ASXL3: variants seen among roughly 807,000 people sequenced by gnomAD.
ASXL3 encodes the protein putative Polycomb group protein ASXL3.
In ASXL3, 34 loss-of-function variants were observed where a neutral mutation model predicts 170.6. The observed-to-expected ratio is 0.20, with a 90% CI of 0.15 to 0.27. The LOEUF (loss-of-function observed/expected upper bound fraction) is 0.27, where lower values mean the gene tolerates loss of function less well. ASXL3 is among the 10% of genes least tolerant of loss of function. The pLI is 1.00. For missense variants in ASXL3, 2,592 were observed against 2,695.3 expected, an observed-to-expected ratio of 0.96 and a Z score of 0.85; for synonymous variants, 1,002 against 989.1, an observed-to-expected ratio of 1.01 and a Z score of -0.24.
intron 2 of ASXL3, among the ~76,000 whole-genome samples, chr18:33,628,544 T>C (rs1288435258): frequency 1.3e-5 from 2 of 152,148 alleles, no homozygotes; most frequent in African/African-American, 2.4e-5. Flanking sequence ...TTTCTATCTT[T>C]GTTCTGACAT....
chr18:33,652,631 T>C (rs1223485253), intron 4 of ASXL3, among the ~76,000 whole-genome samples: 1 of 110,630 alleles, frequency 9.0e-6, no homozygotes, highest in Non-Finnish European at 1.9e-5. Flanking sequence ...ATGAATCTTA[T>C]GTTTTAGACC....
intron 1 of ASXL3, among the ~76,000 whole-genome samples, chr18:33,592,090 A>G (rs547831076): frequency 6.6e-6 from 1 of 152,222 alleles, no homozygotes; most frequent in East Asian, 1.9e-4. Context: ...ATGAAATTTT[A>G]TCTTTTATCT....
chr18:33,620,835 C>T (rs1199120310), intron 2 of ASXL3, among the ~76,000 whole-genome samples: 1 of 152,028 alleles, frequency 6.6e-6, no homozygotes, highest in African/African-American at 2.4e-5. Context: ...ACCTAATTTC[C>T]CCAACAATTT....
intron 1 of ASXL3, among the ~76,000 whole-genome samples, chr18:33,580,392 A>C (rs1169142264): frequency 1.3e-5 from 2 of 152,238 alleles, no homozygotes; most frequent in Non-Finnish European, 2.9e-5. Flanking sequence ...AAGGCTTCTG[A>C]AAATGCATTA....
At chr18:33,722,356 G>A (rs1179426248) in intron 8 of ASXL3, among the ~76,000 whole-genome samples, 1 of 152,116 alleles carries the variant, frequency 6.6e-6, no homozygotes, top group Non-Finnish European at 1.5e-5. Flanking sequence ...GAATGGAAAG[G>A]AAAAGTTCTT....
intron 8 of ASXL3, among the ~76,000 whole-genome samples, chr18:33,709,792 A>G (rs1408267673): frequency 2.0e-5 from 3 of 152,218 alleles, no homozygotes. Context: ...ATTAAAGAAA[A>G]TGACTATTCT....
chr18:33,739,480 A>G lies in ASXL3; in HGVS notation c.2076A>G (p.Ala692=). 1 of 1,613,978 alleles carries G rather than the reference A, an allele frequency of 6.2e-7. No homozygotes were observed. The highest frequency in any genetic ancestry group is 8.5e-7 in the Non-Finnish European group (1 of 1,179,878). ...CCACTTCACCTGAAATATCAGAAGC[A>G]TCTCTTATGTCCAACTTACCATTAA... The part of the protein sequence containing the change: ...PISTSPEISE[A]SLMSNLPLTS... The change falls in exon 11 of 12, where the codon GCA becomes GCG. Residue 692 remains alanine, a synonymous_variant. Coordinates refer to ENST00000269197, the MANE Select transcript of ASXL3 (RefSeq NM_030632.3).
At position 33,744,313 on chromosome 18, in the gene ASXL3, G is replaced by A; in HGVS notation, c.4465G>A (p.Val1489Ile). 1 of 1,614,032 alleles carries A rather than the reference G, an allele frequency of 6.2e-7. No individual in the cohort carries two copies. The highest frequency in any genetic ancestry group is 8.5e-7 in the Non-Finnish European group (1 of 1,179,902). Residue 1489 changes from valine (V) to isoleucine (I), a missense_variant, in exon 12 of 12, where the codon GTC becomes ATC. Around this residue, in one of 4 missense-constraint regions of ASXL3, gnomAD observed 2,246 missense variants for 2,219.6 expected, o/e 1.01. Coordinates refer to ENST00000269197, the MANE Select transcript of ASXL3 (RefSeq NM_030632.3). ...TTLTSSLSLTVSVESSEASLD... is the reference protein window; with the variant it reads ...TTLTSSLSLTISVESSEASLD... ...GCTGACCTCCAGTTTGTCTCTGACTGTCTCCGTTGAAAGCTCAGAAGCCAG... is the reference window on the plus strand; with the variant it reads ...GCTGACCTCCAGTTTGTCTCTGACTATCTCCGTTGAAAGCTCAGAAGCCAG...
intron 2 of ASXL3, among the ~76,000 whole-genome samples, chr18:33,641,230 G>A (rs2065841887): frequency 1.3e-5 from 2 of 151,986 alleles, no homozygotes; most frequent in Admixed American, 1.3e-4. Flanking sequence ...TAGTTTTTCT[G>A]TATTTCACAC....
At chr18:33,713,040 A>C (rs1464606138) in intron 8 of ASXL3, among the ~76,000 whole-genome samples, 1 of 151,946 alleles carries the variant, frequency 6.6e-6, no homozygotes, top group African/African-American at 2.4e-5. Context: ...AGTTACATAC[A>C]TCACACGTGC....
intron 8 of ASXL3, among the ~76,000 whole-genome samples, chr18:33,726,017 G>T (rs2067344076): frequency 6.6e-6 from 1 of 152,068 alleles, no homozygotes; most frequent in African/African-American, 2.4e-5. Flanking sequence ...TTTGTCCAGG[G>T]CATCCTCTAC....
chr18:33,690,665 A>G (rs947188669), intron 8 of ASXL3, among the ~76,000 whole-genome samples: 7 of 152,072 alleles, frequency 4.6e-5, no homozygotes, highest in Non-Finnish European at 1.0e-4. Context: ...CTTTCCATAG[A>G]TGTCTCTTAC....
intron 8 of ASXL3, among the ~76,000 whole-genome samples, chr18:33,715,420 A>T (rs1033958975): frequency 3.9e-5 from 6 of 152,202 alleles, no homozygotes; most frequent in Non-Finnish European, 8.8e-5. Flanking sequence ...TCTGCCCCAT[A>T]TTATCACTTT....
chr18:33,625,320 G>T (rs147453249), intron 2 of ASXL3, among the ~76,000 whole-genome samples: 1 of 152,072 alleles, frequency 6.6e-6, no homozygotes, highest in African/African-American at 2.4e-5. Flanking sequence ...GACATCTTTA[G>T]CCAATATTTG....
intron 8 of ASXL3, among the ~76,000 whole-genome samples, chr18:33,724,812 G>T (rs910289336): frequency 2.6e-5 from 4 of 152,094 alleles, no homozygotes; most frequent in South Asian, 2.1e-4. Context: ...TGGTAATATT[G>T]TCTTACTGCA....
intron 8 of ASXL3, among the ~76,000 whole-genome samples, chr18:33,720,508 T>C (rs894375276): frequency 1.3e-5 from 2 of 152,176 alleles, no homozygotes; most frequent in Admixed American, 6.5e-5. Flanking sequence ...AGAGGGAACA[T>C]TAAAGAAAAT....
chr18:33,727,514 G>T (rs2067371669), intron 8 of ASXL3, among the ~76,000 whole-genome samples: 1 of 151,946 alleles, frequency 6.6e-6, no homozygotes, highest in Non-Finnish European at 1.5e-5. Context: ...CTTTATAAAA[G>T]TATCTCTATG....
At chr18:33,591,136 C>T (rs1235270984) in intron 1 of ASXL3, among the ~76,000 whole-genome samples, 1 of 152,204 alleles carries the variant, frequency 6.6e-6, no homozygotes, top group Non-Finnish European at 1.5e-5. Context: ...TTATGGACAT[C>T]ACAGTCTTAT....
intron 1 of ASXL3, among the ~76,000 whole-genome samples, chr18:33,594,504 T>G (rs1354722576): frequency 6.6e-6 from 1 of 152,194 alleles, no homozygotes; most frequent in African/African-American, 2.4e-5. Context: ...AGTTTTAATA[T>G]TCCATTGACT....
Sources: gnomAD v4.1 joint callset for allele counts (sites outside exome capture counted in the v4.1 genomes callset) on GRCh38, gnomAD v4.1.1 for gene constraint, gnomAD v4.1.1 regional missense constraint, MANE v1.5 for transcripts, NCBI Gene and HGNC (gene_info 2026-07-23, HGNC 2026-07-21) for gene names.